The following TBK1 variants were observed in gnomAD, a reference collection of about 807,000 sequenced individuals.
The protein encoded by TBK1 is serine/threonine-protein kinase TBK1.
Under a neutral mutation model 99.9 loss-of-function variants are expected in TBK1, and 37 were observed. The observed-to-expected ratio is 0.37, with a 90% CI of 0.28 to 0.49. TBK1 has a LOEUF of 0.49. TBK1 is among the 20% of genes least tolerant of loss of function. The pLI is 0.98. For missense variants in TBK1, 644 were observed against 872.5 expected (o/e 0.74, Z 3.30); for synonymous variants, 258 against 279.8 (o/e 0.92, Z 0.78).
chr12:64,456,270 G>A (rs7298692), intron 2 of TBK1, among the ~76,000 whole-genome samples: 63,752 of 151,986 alleles, frequency 0.42, 15,969 homozygotes, highest in Non-Finnish European at 0.56. Flanking sequence ...TTCACTGACA[G>A]AAGTTCAGTG....
rs182320692 is a variant in TBK1, at chr12:64,490,032, T to C, written c.1443-9T>C. On this transcript the variant is annotated splice_polypyrimidine_tract_variant and intron_variant, in intron 12 of 20. Transcript: ENST00000331710. ...CTCATTTAATTTTCTCTTTTGACTT[T>C]TCATACAGATATGAAAAGTTGATGA... The C allele has an allele frequency of 3.1e-6, 5 of 1,594,848 alleles. No individual in the cohort carries two copies. The African/African-American group carries it at 6.7e-5, about 21-fold the overall frequency.
At chr12:64,500,613 T>C (rs1057483798) in intron 20 of TBK1, among the ~76,000 whole-genome samples, 2 of 152,158 alleles carry the variant, frequency 1.3e-5, no homozygotes, top group African/African-American at 4.8e-5. Context: ...AAATTTATAC[T>C]TCAATTCAAA....
At chr12:64,463,554 G>A (rs377397402) in intron 3 of TBK1, among the ~76,000 whole-genome samples, 5 of 151,706 alleles carry the variant, frequency 3.3e-5, no homozygotes, top group South Asian at 4.2e-4. Context: ...AGAAAAATTA[G>A]CCAGGCATGG....
chr12:64,467,820 T>TA (rs2040622220), intron 5 of TBK1, among the ~76,000 whole-genome samples: 1 of 152,230 alleles, frequency 6.6e-6, no homozygotes, highest in African/African-American at 2.4e-5. Flanking sequence ...TGGCATGAAC[T>TA]AAATGTCTTA....
Position 64,501,335 on chromosome 12 carries a change from G to T in TBK1, c.2144G>T (p.Gly715Val). 6.2e-7 allele frequency: 1 copy of T among 1,613,728 alleles called. No homozygotes were observed. Among genetic ancestry groups the T allele is most frequent in the Non-Finnish European group, 8.5e-7 (1 of 1,179,904 alleles). Reference protein sequence around the residue: ...AENNHILERFGSLTMDGGLRN... With the variant: ...AENNHILERFVSLTMDGGLRN... ...TCTTTGTGTGTGTGTTTTAGGTTTG[G>T]CTCTTTAACCATGGATGGTGGCCTT... Residue 715 changes from glycine (G) to valine (V), a missense_variant, in exon 21 of 21, where the codon GGC becomes GTC. Gly to Val is a moderately radical substitution (Grantham distance 109). This residue lies in a region of TBK1 where 465 missense variants were observed against 588.0 expected (regional missense o/e 0.79). Transcript: ENST00000331710.
At chr12:64,476,262 A>T (rs769916483) in intron 6 of TBK1, among the ~76,000 whole-genome samples, 3 of 139,600 alleles carry the variant, frequency 2.1e-5, no homozygotes, top group African/African-American at 8.1e-5. Flanking sequence ...GGTTCACGCT[A>T]TTCTCCTGCC....
intron 6 of TBK1, 31 bp downstream of exon 6, chr12:64,474,421 A>C: frequency 6.3e-7 from 1 of 1,581,878 alleles, no homozygotes; most frequent in Non-Finnish European, 8.6e-7. Context: ...AAATCAGAGA[A>C]GCATTTAAAA....
chr12:64,497,784 T>C lies in TBK1; in HGVS notation c.2066+30T>C, dbSNP rs764502185. On this transcript the variant is annotated intron_variant, in intron 19 of 20. Coordinates refer to ENST00000331710, the MANE Select transcript of TBK1 (RefSeq NM_013254.4). Reference sequence around the variant, plus strand: ...GAAACTCATCATTTGGAAACTGTAGTGTTTCCATTTGCTTTCATTGCAGTT... The same window carrying C: ...GAAACTCATCATTTGGAAACTGTAGCGTTTCCATTTGCTTTCATTGCAGTT... 2.2e-5 allele frequency: 33 copies of C among 1,505,146 alleles called. 1 individual carries two copies. In the South Asian group the frequency reaches 3.7e-4, roughly 17 times the overall value. The allele number at this position is 1,505,146 out of a possible 1,614,324, so 93.2% of individuals were successfully genotyped here. A position where few individuals can be genotyped will look rare whatever the true frequency, so the allele number is the denominator to read the frequency against.
In TBK1 at chr12:64,472,119, A is replaced by T. The variant is rs966577051; in HGVS notation, c.541-2111A>T. Among the ~76,000 whole-genome samples the T allele has an allele frequency of 4.0e-5, 6 of 151,522 alleles. No individual in the cohort carries two copies. In the East Asian group the frequency reaches 9.7e-4, roughly 24 times the overall value. ...GCTGTGCTACAGAACCAGCAAAGCC[A>T]CTGAGATCCCATATATCTAGTAGGC... On this transcript the variant is annotated intron_variant, in intron 5 of 20. Coordinates refer to ENST00000331710, the MANE Select transcript of TBK1 (RefSeq NM_013254.4).
chr12:64,490,230 C>T (rs1306070049), intron 13 of TBK1, 111 bp downstream of exon 13: 9 of 619,868 alleles, frequency 1.5e-5, no homozygotes, highest in Non-Finnish European at 2.4e-5. Flanking sequence ...CACCTAGAGT[C>T]GCAACTACTC....
In TBK1 at chr12:64,482,035, T is replaced by C. The variant is rs1303918138; in HGVS notation, c.992+14T>C. The C allele has an allele frequency of 6.8e-7, 1 of 1,473,788 alleles. No homozygotes were observed. The highest frequency in any genetic ancestry group is 9.1e-7 in the Non-Finnish European group (1 of 1,101,902). 91.3% of individuals were successfully genotyped at this position (1,473,788 alleles called of 1,614,324 possible). ...TAGCTATAATACGTAAGTATCTCTATTTTCTTCTTGTATCAACATGTTCTG... is the reference window on the plus strand; with the variant it reads ...TAGCTATAATACGTAAGTATCTCTACTTTCTTCTTGTATCAACATGTTCTG... On this transcript the variant is annotated intron_variant, in intron 8 of 20. Coordinates refer to ENST00000331710, the MANE Select transcript of TBK1 (RefSeq NM_013254.4).
chr12:64,484,525 C>T (rs774838294), intron 9 of TBK1, 26 bp downstream of exon 9: 3 of 1,577,592 alleles, frequency 1.9e-6, no homozygotes, highest in Non-Finnish European at 2.6e-6. Flanking sequence ...TCTTGTCGTT[C>T]TTACTAGCCA....
At chr12:64,500,327 C>T (rs1397707444) in intron 20 of TBK1, among the ~76,000 whole-genome samples, 1 of 152,130 alleles carries the variant, frequency 6.6e-6, no homozygotes, top group Non-Finnish European at 1.5e-5. Flanking sequence ...CCACCTTTCT[C>T]CTACTCCCTT....
intron 2 of TBK1, among the ~76,000 whole-genome samples, chr12:64,458,086 AAC>A (rs71092969): frequency 0.7 from 99,998 of 143,450 alleles, 35,825 homozygotes; most frequent in East Asian, 0.84. Context: ...GTCTCTACTA[AAC>A]ACACACACAC....
At chr12:64,483,345 C>G (rs775813616) in intron 8 of TBK1, among the ~76,000 whole-genome samples, 9 of 152,096 alleles carry the variant, frequency 5.9e-5, no homozygotes, top group Non-Finnish European at 8.8e-5. Context: ...GCTTGTAGAG[C>G]CAAATTACAA....
At chr12:64,482,946 G>T (rs891570148) in intron 8 of TBK1, among the ~76,000 whole-genome samples, 1 of 152,216 alleles carries the variant, frequency 6.6e-6, no homozygotes, top group Non-Finnish European at 1.5e-5. Flanking sequence ...GTGTATCAAT[G>T]TTAATAGCTG....
At position 64,455,863 on chromosome 12, in the gene TBK1, C is replaced by G. The variant is rs561305321; in HGVS notation, c.-8C>G. ...AGTATAACAAGAGGATTGCCTGATCCAGCCAAGATGCAGAGCACTTCTAAT... is the reference window on the plus strand; with the variant it reads ...AGTATAACAAGAGGATTGCCTGATCGAGCCAAGATGCAGAGCACTTCTAAT... On this transcript the variant is annotated 5_prime_UTR_variant, in exon 2 of 21. Coordinates refer to ENST00000331710, the MANE Select transcript of TBK1 (RefSeq NM_013254.4). The G allele has an allele frequency of 2.5e-6, 4 of 1,602,750 alleles. No homozygotes were observed. In the East Asian group the frequency reaches 8.9e-5, roughly 36 times the overall value.
In TBK1 at chr12:64,496,397, A is replaced by G. The variant is rs375610142; in HGVS notation, c.1751A>G (p.Lys584Arg). Reference sequence around the variant, plus strand: ...GCTTATAATGAAGAACAAATCCACAAATTTGATAAGTAAGTATCCAGATTA... The same window carrying G: ...GCTTATAATGAAGAACAAATCCACAGATTTGATAAGTAAGTATCCAGATTA... Reference protein sequence around the residue: ...RLAYNEEQIHKFDKQKLYYHA... With the variant: ...RLAYNEEQIHRFDKQKLYYHA... Residue 584 changes from lysine (K) to arginine (R), a missense_variant, in exon 16 of 21, where the codon AAA (lysine) becomes AGA (arginine). Around this residue, in one of 3 missense-constraint regions of TBK1, gnomAD observed 465 missense variants for 588.0 expected, o/e 0.79. Coordinates refer to ENST00000331710, the MANE Select transcript of TBK1 (RefSeq NM_013254.4). The G allele has an allele frequency of 1.1e-5, 14 of 1,263,506 alleles. No homozygotes were observed. Among genetic ancestry groups the G allele is most frequent in the African/African-American group, 1.5e-5 (1 of 65,266 alleles). 78.3% of individuals were successfully genotyped at this position (1,263,506 alleles called of 1,614,324 possible).
chr12:64,465,710 A>G (rs1293723339), intron 4 of TBK1, among the ~76,000 whole-genome samples: 1 of 152,230 alleles, frequency 6.6e-6, no homozygotes, highest in Non-Finnish European at 1.5e-5. Context: ...TTCCATTTAT[A>G]TGAAATGTCA....
Sources: gnomAD v4.1 joint callset for allele counts (sites outside exome capture counted in the v4.1 genomes callset) on GRCh38, gnomAD v4.1.1 for gene constraint, gnomAD v4.1.1 regional missense constraint, MANE v1.5 for transcripts, NCBI Gene and HGNC (gene_info 2026-07-23, HGNC 2026-07-21) for gene names.